PTPN11: variants seen among roughly 807,000 people sequenced by gnomAD.
The protein encoded by PTPN11 is protein tyrosine phosphatase non-receptor type 11.
PTPN11 carries 6 observed loss-of-function variants against 78.8 expected under a neutral mutation model. The ratio of observed to expected loss-of-function variants is 0.08; its 90% CI spans 0.04 to 0.15. The LOEUF (loss-of-function observed/expected upper bound fraction) is 0.15, where lower values mean the gene tolerates loss of function less well. Ranked by LOEUF, PTPN11 falls within the 10% of genes least tolerant of loss-of-function variation. PTPN11 has a pLI of 1.00. For synonymous variants in PTPN11, 221 were observed against 263.5 expected (o/e 0.84, Z 1.56); for missense variants, 386 against 744.8 (o/e 0.52, Z 5.61).
intron 5 of PTPN11, among the ~76,000 whole-genome samples, chr12:112,455,179 A>G (rs1047909610): frequency 2.0e-5 from 3 of 150,344 alleles, no homozygotes. Flanking sequence ...TTGGAAACAT[A>G]TTCCAGATTT....
At position 112,436,407 on chromosome 12, in the gene PTPN11, C is replaced by G. The variant is rs185992266; in HGVS notation, c.15-9869C>G. ...AAACACTATTATTATCCACATTTTA[C>G]AGATGTAAAAACCGAAGCAGAGAGA... On this transcript the variant is annotated intron_variant, in intron 1 of 15. Transcript: ENST00000351677. 5.9e-5 allele frequency among the ~76,000 whole-genome samples: 9 copies of G among 152,276 alleles called. No individual in the cohort carries two copies. In the East Asian group the frequency reaches 1.5e-3, roughly 26 times the overall value.
intron 6 of PTPN11, 30 bp from the exon 7 acceptor site, chr12:112,472,914 G>A (rs747847358): frequency 8.6e-6 from 13 of 1,516,252 alleles, no homozygotes; most frequent in Admixed American, 3.3e-5. Context: ...TCTTTGACAC[G>A]TAATAATATT....
chr12:112,474,454 G>A (rs1206691319), intron 7 of PTPN11, among the ~76,000 whole-genome samples: 2 of 152,016 alleles, frequency 1.3e-5, no homozygotes, highest in African/African-American at 4.8e-5. Context: ...CTGGGCTCAA[G>A]TAGTCCTCCT....
At chr12:112,483,175 A>T (rs921817387) in intron 10 of PTPN11, among the ~76,000 whole-genome samples, 2 of 148,026 alleles carry the variant, frequency 1.4e-5, no homozygotes, top group African/African-American at 5.0e-5. Context: ...GTTCATTTGG[A>T]GGGGGAAGGG....
chr12:112,455,241 T>TG (rs1403690629), intron 5 of PTPN11, among the ~76,000 whole-genome samples: 168 of 149,100 alleles, frequency 1.1e-3, no homozygotes, highest in African/African-American at 4.0e-3. Context: ...TCTTTTTTTT[T>TG]TTTTTTTTTT....
chr12:112,457,392 C>G (rs1013289567), intron 6 of PTPN11: 2 of 220,450 alleles, frequency 9.1e-6, no homozygotes, highest in African/African-American at 4.8e-5. Context: ...GTGTATGTGC[C>G]ACATTTTCTT....
At position 112,461,676 on chromosome 12, in the gene PTPN11, C is replaced by T. The variant is rs151057715; in HGVS notation, c.756+5613C>T. Among the ~76,000 whole-genome samples, 558 of 152,060 alleles carry T rather than the reference C, an allele frequency of 3.7e-3. 2 individuals are homozygous for T. The highest frequency in any genetic ancestry group is 0.013 in the African/African-American group (532 of 41,466). ...AGAGATGTGGTCGTATTATGTTGCT[C>T]AGGATGGTCTCGAACTGCAGAGCTC... On this transcript the variant is annotated intron_variant, in intron 6 of 15. Transcript: ENST00000351677.
chr12:112,468,557 C>A (rs2038365178), intron 6 of PTPN11, among the ~76,000 whole-genome samples: 1 of 152,152 alleles, frequency 6.6e-6, no homozygotes, highest in Admixed American at 6.5e-5. Flanking sequence ...AATTGGTGCA[C>A]TAGGGAAGGA....
At chr12:112,437,083 G>A (rs1016210175) in intron 1 of PTPN11, among the ~76,000 whole-genome samples, 1 of 151,790 alleles carries the variant, frequency 6.6e-6, no homozygotes, top group Non-Finnish European at 1.5e-5. Context: ...CTTATTCTAA[G>A]GTTAACAAGA....
chr12:112,447,019 C>T (rs2038003641), intron 2 of PTPN11, among the ~76,000 whole-genome samples: 1 of 152,074 alleles, frequency 6.6e-6, no homozygotes, highest in African/African-American at 2.4e-5. Context: ...GCTTGTGCCA[C>T]CATGCTCAGC....
intron 14 of PTPN11, among the ~76,000 whole-genome samples, chr12:112,503,330 G>A (rs1434197220): frequency 1.3e-5 from 2 of 152,130 alleles, no homozygotes; most frequent in South Asian, 2.1e-4. Flanking sequence ...CTATATATTC[G>A]AAAGTCACTT....
At position 112,482,527 on chromosome 12, in the gene PTPN11, G is replaced by A. The variant is rs753919675; in HGVS notation, c.1224+322G>A. Among the ~76,000 whole-genome samples, 19 of 152,176 alleles carry A rather than the reference G, an allele frequency of 1.2e-4. No individual in the cohort carries two copies. Among genetic ancestry groups the A allele is most frequent in the Non-Finnish European group, 2.2e-4 (15 of 68,036 alleles). On this transcript the variant is annotated intron_variant, in intron 10 of 15. Coordinates refer to ENST00000351677, the MANE Select transcript of PTPN11 (RefSeq NM_002834.5). This position sits in a 1 kb window ranked among gnomAD's most constrained non-coding sequence, Gnocchi z 4.4. ...AGGTGGGTGGATCGCTTGAGCCGGG[G>A]AGTTCGAGACCAGCCCTGGGTGGGA... is the stretch of plus-strand genomic sequence containing the variant.
intron 1 of PTPN11, among the ~76,000 whole-genome samples, chr12:112,424,457 C>A (rs997119903): frequency 2.6e-5 from 4 of 152,052 alleles, no homozygotes; most frequent in African/African-American, 9.7e-5. Flanking sequence ...AAAAATATTT[C>A]TCTGGCTGCT....
chr12:112,440,129 C>T (rs1331789352), intron 1 of PTPN11, among the ~76,000 whole-genome samples: 1 of 152,068 alleles, frequency 6.6e-6, no homozygotes, highest in Non-Finnish European at 1.5e-5. Flanking sequence ...CATCTGGAAC[C>T]ACAGATGAAA....
intron 13 of PTPN11, among the ~76,000 whole-genome samples, chr12:112,501,830 A>G (rs1016928122): frequency 6.6e-6 from 1 of 152,226 alleles, no homozygotes; most frequent in African/African-American, 2.4e-5. Context: ...AAATGATTAG[A>G]TGCTAATGTG....
chr12:112,456,016 G>A lies in PTPN11; in HGVS notation c.709G>A (p.Ala237Thr). The change falls in exon 6 of 16, where the codon GCT (alanine) becomes ACT (threonine). Residue 237 changes from alanine (A) to threonine (T), a missense_variant. Transcript: ENST00000351677. Reference protein sequence around the residue: ...ESRVRELSKLAETTDKVKQGF... With the variant: ...ESRVRELSKLTETTDKVKQGF... Reference sequence around the variant, plus strand: ...CAGAGTTCGAGAACTAAGCAAATTAGCTGAGACCACAGATAAAGTCAAACA... The same window carrying A: ...CAGAGTTCGAGAACTAAGCAAATTAACTGAGACCACAGATAAAGTCAAACA... The A allele has an allele frequency of 6.2e-7, 1 of 1,613,204 alleles. No individual in the cohort carries two copies. The highest frequency in any genetic ancestry group is 8.5e-7 in the Non-Finnish European group (1 of 1,179,304).
intron 6 of PTPN11, 57 bp downstream of exon 6, chr12:112,456,120 G>A: frequency 8.8e-7 from 1 of 1,139,762 alleles, no homozygotes. Flanking sequence ...TTTAGTGGAG[G>A]AGAAGTTGCT....
chr12:112,474,963 A>C (rs1592845377), intron 7 of PTPN11, among the ~76,000 whole-genome samples: 1 of 152,148 alleles, frequency 6.6e-6, no homozygotes, highest in African/African-American at 2.4e-5. Flanking sequence ...GCCACCAGGC[A>C]AAGCCCAAGT....
chr12:112,437,405 C>T (rs1174986311), intron 1 of PTPN11, among the ~76,000 whole-genome samples: 1 of 152,064 alleles, frequency 6.6e-6, no homozygotes, highest in Non-Finnish European at 1.5e-5. Context: ...AAGTGATCCA[C>T]CCGCCTTGGC....
Sources: gnomAD v4.1 joint callset for allele counts (sites outside exome capture counted in the v4.1 genomes callset) on GRCh38, gnomAD v4.1.1 for gene constraint, Gnocchi (gnomAD v3.1) non-coding constraint, MANE v1.5 for transcripts, NCBI Gene and HGNC (gene_info 2026-07-23, HGNC 2026-07-21) for gene names.